GAB2: variants seen among roughly 807,000 people sequenced by gnomAD.
GAB2 encodes the protein GRB2 associated binding protein 2.
Under a neutral mutation model 65.5 loss-of-function variants are expected in GAB2, and 26 were observed. The observed-to-expected ratio is 0.40, with a 90% CI of 0.29 to 0.55. GAB2 has a LOEUF of 0.55. Among genes scored for constraint, GAB2 ranks in the 20% least tolerant of loss-of-function variants. GAB2 has a pLI of 0.53. For synonymous variants in GAB2, 321 were observed against 329.6 expected (o/e 0.97, Z 0.28); for missense variants, 884 against 875.8 (o/e 1.01, Z -0.12).
chr11:78,312,369 T>C (rs897440841), intron 1 of GAB2, among the ~76,000 whole-genome samples: 2 of 152,114 alleles, frequency 1.3e-5, no homozygotes, highest in East Asian at 3.8e-4. Flanking sequence ...ACTTTACATA[T>C]AAGAGTTCAT....
At chr11:78,348,333 A>G (rs1171441048) in intron 1 of GAB2, among the ~76,000 whole-genome samples, 2 of 152,226 alleles carry the variant, frequency 1.3e-5, no homozygotes, top group Non-Finnish European at 2.9e-5. Flanking sequence ...TGTTTAATAT[A>G]TTTCTATCTT....
intron 1 of GAB2, among the ~76,000 whole-genome samples, chr11:78,394,501 G>C (rs527456111): frequency 1.3e-5 from 2 of 152,188 alleles, no homozygotes; most frequent in South Asian, 4.1e-4. Context: ...CAGTTACAGA[G>C]ACTAGGGGTA....
At chr11:78,281,271 G>T (rs1466104225) in intron 1 of GAB2, among the ~76,000 whole-genome samples, 1 of 148,522 alleles carries the variant, frequency 6.7e-6, no homozygotes, top group Non-Finnish European at 1.5e-5. Context: ...TTGAGATGGA[G>T]TTTCACTCTT....
chr11:78,238,141 A>G lies in GAB2; in HGVS notation c.621-11090T>C, dbSNP rs974457589. 8.0e-5 allele frequency among the ~76,000 whole-genome samples: 12 copies of G among 150,558 alleles called. 1 individual carries two copies. Among genetic ancestry groups the G allele is most frequent in the Middle Eastern group, 3.2e-3 (1 of 314 alleles). On this transcript the variant is annotated intron_variant, in intron 3 of 9. Coordinates refer to ENST00000361507, the MANE Select transcript of GAB2 (RefSeq NM_080491.3). ...AAACTACCATGGCACATGTTTACCTATGTAACAAACCTGCACATCCTTCAC... is the reference window on the plus strand; with the variant it reads ...AAACTACCATGGCACATGTTTACCTGTGTAACAAACCTGCACATCCTTCAC...
chr11:78,225,068 C>A, intron 5 of GAB2, 40 bp downstream of exon 5: 1 of 1,320,818 alleles, frequency 7.6e-7, no homozygotes. Context: ...TTTTACCTAA[C>A]CAGGCCGGCC....
intron 2 of GAB2, among the ~76,000 whole-genome samples, chr11:78,257,303 T>A (rs979377152): frequency 6.6e-6 from 1 of 152,170 alleles, no homozygotes; most frequent in African/African-American, 2.4e-5. Context: ...GCCCTTTTCA[T>A]CTTTATCCCT....
chr11:78,221,640 TGAAAGGC>T (rs1565415561), intron 8 of GAB2, 30 bp downstream of exon 8: 2 of 1,370,136 alleles, frequency 1.5e-6, no homozygotes, highest in Non-Finnish European at 2.1e-6. Flanking sequence ...CCAGGGGACT[TGAAAGGC>T]GTCATTCCAG....
intron 1 of GAB2, among the ~76,000 whole-genome samples, chr11:78,398,550 C>A (rs949731946): frequency 2.6e-5 from 4 of 152,014 alleles, no homozygotes; most frequent in Admixed American, 2.6e-4. Context: ...GTATTCTTTA[C>A]TTTTGTGTAT....
At chr11:78,269,684 C>G (rs898830641) in intron 2 of GAB2, among the ~76,000 whole-genome samples, 1 of 152,260 alleles carries the variant, frequency 6.6e-6, no homozygotes, top group Non-Finnish European at 1.5e-5. Flanking sequence ...TGAGTGTTGA[C>G]TTACTCGGGA....
chr11:78,315,561 C>T (rs903743048), intron 1 of GAB2, among the ~76,000 whole-genome samples: 1 of 152,080 alleles, frequency 6.6e-6, no homozygotes, highest in African/African-American at 2.4e-5. Flanking sequence ...AAATGATAAA[C>T]CTCTCAGAAG....
chr11:78,278,407 G>T (rs1490988058), intron 2 of GAB2, among the ~76,000 whole-genome samples: 1 of 150,202 alleles, frequency 6.7e-6, no homozygotes, highest in Non-Finnish European at 1.5e-5. Context: ...TTTTGAGACA[G>T]GGTCTCCCTC....
intron 3 of GAB2, among the ~76,000 whole-genome samples, chr11:78,245,636 ATTGT>A (rs1565123971): frequency 6.6e-6 from 1 of 152,216 alleles, no homozygotes; most frequent in African/African-American, 2.4e-5. Flanking sequence ...CTCACTAGAC[ATTGT>A]TTGAGTTTTG....
chr11:78,332,013 GC>G (rs1179670241), intron 1 of GAB2, among the ~76,000 whole-genome samples: 1 of 152,130 alleles, frequency 6.6e-6, no homozygotes, highest in East Asian at 1.9e-4. Flanking sequence ...CCAAGGGCTT[GC>G]CCCTCCTCCC....
intron 2 of GAB2, among the ~76,000 whole-genome samples, chr11:78,259,027 C>T (rs1189403062): frequency 6.6e-6 from 1 of 152,032 alleles, no homozygotes; most frequent in Non-Finnish European, 1.5e-5. Flanking sequence ...CTCCTCCTAC[C>T]CTCTACCCTC....
intron 1 of GAB2, among the ~76,000 whole-genome samples, chr11:78,320,918 G>T (rs953287310): frequency 6.6e-6 from 1 of 152,054 alleles, no homozygotes; most frequent in Non-Finnish European, 1.5e-5. Flanking sequence ...GGCTTAAACT[G>T]TGGTGGGCAA....
intron 2 of GAB2, among the ~76,000 whole-genome samples, chr11:78,276,250 T>C (rs1417387842): frequency 6.6e-6 from 1 of 151,856 alleles, no homozygotes; most frequent in African/African-American, 2.4e-5. Flanking sequence ...CAGTGAGCTG[T>C]GATTATGCCA....
At chr11:78,277,947 G>GA (rs1198480715) in intron 2 of GAB2, among the ~76,000 whole-genome samples, 1 of 152,106 alleles carries the variant, frequency 6.6e-6, no homozygotes, top group African/African-American at 2.4e-5. Context: ...CCCTTTGGCC[G>GA]AATTCTTTCT....
intron 1 of GAB2, among the ~76,000 whole-genome samples, chr11:78,399,062 C>G (rs1272474274): frequency 6.6e-6 from 1 of 152,036 alleles, no homozygotes; most frequent in African/African-American, 2.4e-5. Context: ...TTGAAGGATC[C>G]TAAGGAACTC....
chr11:78,323,738 A>C (rs1175135443), intron 1 of GAB2, among the ~76,000 whole-genome samples: 1 of 148,778 alleles, frequency 6.7e-6, no homozygotes, highest in African/African-American at 2.5e-5. Flanking sequence ...ACACCTCAGC[A>C]TCTTGTAATA....
Sources: allele counts gnomAD v4.1 joint callset (sites outside exome capture counted in the v4.1 genomes callset), GRCh38; gene constraint gnomAD v4.1.1; transcripts MANE v1.5; gene names NCBI Gene and HGNC (gene_info 2026-07-23, HGNC 2026-07-21).